Variants in DOT1L observed in about 807,000 individuals in gnomAD.
The protein encoded by DOT1L is histone-lysine N-methyltransferase, H3 lysine-79 specific.
Under a neutral mutation model 153.3 loss-of-function variants are expected in DOT1L, and 33 were observed. The observed-to-expected ratio is 0.22, with a 90% CI of 0.16 to 0.29. The LOEUF (loss-of-function observed/expected upper bound fraction) is 0.29, where lower values mean the gene tolerates loss of function less well. Among genes scored for constraint, DOT1L ranks in the 10% least tolerant of loss-of-function variants. The pLI is 1.00. For synonymous variants in DOT1L, 1,135 were observed against 965.1 expected (o/e 1.18, Z -3.26); for missense variants, 1,847 against 2,119.9 (o/e 0.87, Z 2.53).
At position 2,226,274 on chromosome 19, in the gene DOT1L, C is replaced by G. The variant is rs370977811; in HGVS notation, c.3753C>G (p.Ile1251Met). 11 of 1,593,360 alleles carry G rather than the reference C, an allele frequency of 6.9e-6. No homozygotes were observed. The highest frequency in any genetic ancestry group is 9.4e-6 in the Non-Finnish European group (11 of 1,169,258). The stretch of plus-strand genomic sequence containing the variant: ...CCACCTTCTCGCCCATCTCCGACAT[C>G]GGCCTGGCCAAGTCGGCGGACAGCC... ...WKSTFSPISD[I>M]GLAKSADSPL... The change falls in exon 27 of 28, where the codon ATC becomes ATG. Residue 1251 changes from isoleucine to methionine, a missense_variant. Physicochemically the swap from Ile to Met is conservative, Grantham distance 10. Around this residue, in one of 8 missense-constraint regions of DOT1L, gnomAD observed 934 missense variants for 825.3 expected, o/e 1.13. Transcript: ENST00000398665.
intron 27 of DOT1L, chr19:2,228,714 C>T: frequency 2.0e-6 from 2 of 985,384 alleles, no homozygotes; most frequent in South Asian, 4.7e-5. Flanking sequence ...AGCTCTAGCT[C>T]CTAGAGCAGT....
intron 1 of DOT1L, among the ~76,000 whole-genome samples, chr19:2,166,786 C>T (rs111492138): frequency 1.3e-5 from 2 of 152,306 alleles, no homozygotes; most frequent in African/African-American, 2.4e-5. Flanking sequence ...CAGTTCTATA[C>T]GTTTTGACAA....
intron 1 of DOT1L, among the ~76,000 whole-genome samples, chr19:2,175,903 G>GAAGCCAGC (rs1282214903): frequency 6.6e-6 from 1 of 152,218 alleles, no homozygotes; most frequent in East Asian, 1.9e-4. Context: ...ACACGAGCTG[G>GAAGCCAGC]AAGCCAGCAC....
At chr19:2,164,432 C>T (rs376720642) in intron 1 of DOT1L, 167 bp downstream of exon 1, 1 of 434,998 alleles carries the variant, frequency 2.3e-6, no homozygotes. Flanking sequence ...CCGAGGGCCC[C>T]GCGGCTGTTT....
intron 25 of DOT1L, 74 bp downstream of exon 25, chr19:2,223,560 G>C: frequency 3.2e-6 from 1 of 308,140 alleles, no homozygotes; most frequent in East Asian, 1.0e-4. Flanking sequence ...GTGTGTGTGT[G>C]GGTGGGTGGG....
chr19:2,176,109 T>C (rs761827502), intron 1 of DOT1L, among the ~76,000 whole-genome samples: 3 of 152,070 alleles, frequency 2.0e-5, no homozygotes, highest in Admixed American at 2.0e-4. Context: ...CCACTCTCAG[T>C]TGGGGGTCCT....
chr19:2,181,310 C>T lies in DOT1L; in HGVS notation c.125+554C>T, dbSNP rs1219861765. Among the ~76,000 whole-genome samples the T allele has an allele frequency of 2.6e-5, 4 of 152,332 alleles. No homozygotes were observed. In the East Asian group the frequency reaches 7.7e-4, roughly 29 times the overall value. Reference sequence around the variant, plus strand: ...GGGTCAGAACCCTCATTGTGTGGCACCTGCACGGAGGCCACATGTGTCCAT... The same window carrying T: ...GGGTCAGAACCCTCATTGTGTGGCATCTGCACGGAGGCCACATGTGTCCAT... On this transcript the variant is annotated intron_variant, in intron 2 of 27. Transcript: ENST00000398665.
At chr19:2,186,307 G>T (rs895006889) in intron 3 of DOT1L, among the ~76,000 whole-genome samples, 7 of 152,214 alleles carry the variant, frequency 4.6e-5, no homozygotes, top group African/African-American at 1.7e-4. Context: ...TTAGATCTCA[G>T]CTGGGTTTGG....
intron 1 of DOT1L, among the ~76,000 whole-genome samples, chr19:2,171,855 A>G (rs1278062975): frequency 6.6e-6 from 1 of 152,180 alleles, no homozygotes; most frequent in Non-Finnish European, 1.5e-5. Context: ...CACAGATTCA[A>G]GTGCCCAGAA....
intron 23 of DOT1L, chr19:2,221,308 AGT>A (rs1439457374): frequency 5.2e-5 from 8 of 152,890 alleles, no homozygotes; most frequent in African/African-American, 1.9e-4. Context: ...AAGCCCGGGC[AGT>A]TCTGCCCTCG....
At position 2,191,260 on chromosome 19, in the gene DOT1L, C is replaced by G; in HGVS notation, c.493+20C>G. ...GGAGCGGTGAGTGTCGCCCGCCATG[C>G]CCGGCTCCTGTGCACTTCCAGGCCA... On this transcript the variant is annotated intron_variant, in intron 5 of 27. Coordinates refer to ENST00000398665, the MANE Select transcript of DOT1L (RefSeq NM_032482.3). This position sits in a 1 kb window ranked among gnomAD's most constrained non-coding sequence, Gnocchi z 6.8. 1 of 1,611,402 alleles carries G rather than the reference C, an allele frequency of 6.2e-7. No homozygotes were observed. The highest frequency in any genetic ancestry group is 8.5e-7 in the Non-Finnish European group (1 of 1,178,262).
In DOT1L at chr19:2,186,531, A is replaced by AG. The variant is rs890195664; in HGVS notation, c.200+605dup. 2.5e-3 allele frequency among the ~76,000 whole-genome samples: 377 copies of AG among 152,264 alleles called. 2 individuals carry two copies. The highest frequency in any genetic ancestry group is 8.5e-3 in the African/African-American group (354 of 41,550). On this transcript the variant is annotated intron_variant, in intron 3 of 27. Transcript: ENST00000398665. Reference sequence around the variant, plus strand: ...AAATCAACAGAGTAGTCCTCCATCAAGGGCTGTGCTGTCGTGAGCTTAGGT... The same window carrying AG: ...AAATCAACAGAGTAGTCCTCCATCAAGGGGCTGTGCTGTCGTGAGCTTAGGT...
chr19:2,164,669 C>G (rs1467105474), intron 1 of DOT1L, among the ~76,000 whole-genome samples: 1 of 147,024 alleles, frequency 6.8e-6, no homozygotes, highest in Admixed American at 6.9e-5. Flanking sequence ...CCTTTCCTGT[C>G]TCCTCTTCTC....
At chr19:2,199,396 G>T (rs985587752) in intron 7 of DOT1L, among the ~76,000 whole-genome samples, 11 of 152,236 alleles carry the variant, frequency 7.2e-5, no homozygotes, top group African/African-American at 2.2e-4. Flanking sequence ...CAGCCTGGCC[G>T]AGTGTCGCTG....
rs533674958 is a variant in DOT1L, at chr19:2,208,587, G to T, written c.964-348G>T. 1.3e-5 allele frequency among the ~76,000 whole-genome samples: 2 copies of T among 152,308 alleles called. No homozygotes were observed. The highest frequency in any genetic ancestry group is 4.8e-5 in the African/African-American group (2 of 41,552). ...CTGCCCTGGCACTGACGCCCTCGGC[G>T]CAGCCTCTCGCCTTCTCCTCTGAGG... On this transcript the variant is annotated intron_variant, in intron 11 of 27. Transcript: ENST00000398665. The surrounding 1 kb of genome is among the most constrained non-coding windows in gnomAD (Gnocchi z 4.4).
chr19:2,210,548 C>T (rs759542285), intron 13 of DOT1L, 38 bp downstream of exon 13: 1 of 1,588,604 alleles, frequency 6.3e-7, no homozygotes, highest in East Asian at 2.2e-5. Context: ...TGGAGGGCAC[C>T]CGCCCCCTGC....
Position 2,213,846 on chromosome 19 carries a change from C to A in DOT1L, c.1660-3C>A. 1 of 1,613,132 alleles carries A rather than the reference C, an allele frequency of 6.2e-7. No individual in the cohort carries two copies. The highest frequency in any genetic ancestry group is 8.5e-7 in the Non-Finnish European group (1 of 1,180,016). On this transcript the variant is annotated splice_polypyrimidine_tract_variant and splice_region_variant and intron_variant, in intron 17 of 27. Transcript: ENST00000398665. ...TGACCTCTCCCCCGCCCCATGTCCCCAGCTGGGTGTGAAGGCGCTGACCTA... is the reference window on the plus strand; with the variant it reads ...TGACCTCTCCCCCGCCCCATGTCCCAAGCTGGGTGTGAAGGCGCTGACCTA...
intron 22 of DOT1L, among the ~76,000 whole-genome samples, chr19:2,219,771 G>A (rs1277437387): frequency 6.6e-6 from 1 of 152,178 alleles, no homozygotes; most frequent in Non-Finnish European, 1.5e-5. Flanking sequence ...TGTGCTGCTT[G>A]GAGAACACAG....
chr19:2,211,333 GT>G, intron 15 of DOT1L, 121 bp downstream of exon 15: 3 of 896,800 alleles, frequency 3.3e-6, no homozygotes, highest in African/African-American at 1.7e-5. Flanking sequence ...CCCCACTGAA[GT>G]TTACCCAGGG....
Sources: allele counts gnomAD v4.1 joint callset (sites outside exome capture counted in the v4.1 genomes callset), GRCh38; gene constraint gnomAD v4.1.1; regional missense constraint gnomAD v4.1.1; non-coding constraint Gnocchi (gnomAD v3.1); transcripts MANE v1.5; gene names NCBI Gene and HGNC (gene_info 2026-07-23, HGNC 2026-07-21).